The following ZDHHC21 variants were observed in gnomAD, a reference collection of about 807,000 sequenced individuals.
The protein encoded by ZDHHC21 is zDHHC palmitoyltransferase 21.
ZDHHC21 carries 15 observed loss-of-function variants against 34.6 expected under a neutral mutation model. The ratio of observed to expected loss-of-function variants is 0.43; its 90% confidence interval spans 0.29 to 0.67. The LOEUF (loss-of-function observed/expected upper bound fraction) is 0.67. Among genes scored for constraint, ZDHHC21 ranks in the 30% least tolerant of loss-of-function variants. The pLI is 0.14. For synonymous variants in ZDHHC21, 142 were observed against 101.8 expected, an observed-to-expected ratio of 1.40 and a Z score of -2.38; for missense variants, 344 against 327.7, an observed-to-expected ratio of 1.05 and a Z score of -0.38.
At chr9:14,640,779 T>A (rs990204236) in intron 7 of ZDHHC21, among the ~76,000 whole-genome samples, 5 of 152,134 alleles carry the variant, frequency 3.3e-5, no homozygotes, top group African/African-American at 9.7e-5. Context: ...GAGGGAGGAA[T>A]TGAAATGCTG....
At chr9:14,610,699 A>C (rs1433918101), downstream of ZDHHC21, among the ~76,000 whole-genome samples, 1 of 151,932 alleles carries the variant, frequency 6.6e-6, no homozygotes, top group Non-Finnish European at 1.5e-5. Flanking sequence ...TGTAAACTTA[A>C]AGTTTCTGCA....
intron 5 of ZDHHC21, among the ~76,000 whole-genome samples, chr9:14,664,961 G>C (rs1295103123): frequency 6.7e-6 from 1 of 149,312 alleles, no homozygotes; most frequent in African/African-American, 2.5e-5. Flanking sequence ...CCAAAGGAAC[G>C]CAGTTCCTCA....
intron 7 of ZDHHC21, among the ~76,000 whole-genome samples, chr9:14,657,845 C>A (rs893279911): frequency 1.3e-5 from 2 of 152,106 alleles, no homozygotes; most frequent in African/African-American, 4.8e-5. Context: ...TATTTTAATG[C>A]TTTTCTTATT....
At chr9:14,647,064 T>C (rs1587095803) in intron 7 of ZDHHC21, among the ~76,000 whole-genome samples, 2 of 152,106 alleles carry the variant, frequency 1.3e-5, no homozygotes, top group East Asian at 3.9e-4. Context: ...AAGGACTGTT[T>C]CACATGTATA....
chr9:14,690,829 G>C (rs564946699), intron 1 of ZDHHC21, among the ~76,000 whole-genome samples: 1 of 152,094 alleles, frequency 6.6e-6, no homozygotes, highest in Admixed American at 6.5e-5. Context: ...AATAAAAACT[G>C]TTTTACAATT....
chr9:14,637,301 A>G (rs534830774), intron 8 of ZDHHC21, among the ~76,000 whole-genome samples: 1 of 152,212 alleles, frequency 6.6e-6, no homozygotes, highest in South Asian at 2.1e-4. Context: ...AACCTAGAGT[A>G]AATGATAAAT....
At chr9:14,604,798 A>G in the ZDHHC21 span, among the ~76,000 whole-genome samples, 3 of 152,196 alleles carry the variant, frequency 2.0e-5, no homozygotes, top group Non-Finnish European at 4.4e-5. Flanking sequence ...CTATAAGCAT[A>G]ATGTTATACA....
At position 14,611,518 on chromosome 9, in the gene ZDHHC21, T is replaced by G. The variant is rs1823294792; in HGVS notation, c.*7448A>C. The G allele has an allele frequency of 1.3e-5, 2 of 152,074 alleles. No individual in the cohort carries two copies. Among genetic ancestry groups the G allele is most frequent in the South Asian group, 4.1e-4 (2 of 4,828 alleles). The allele number at this position is 152,074 out of a possible 1,614,324, so 9.4% of individuals were successfully genotyped here. A position where few individuals can be genotyped will look rare whatever the true frequency, so the allele number is the denominator to read the frequency against. On this transcript the variant is annotated 3_prime_UTR_variant, in exon 10 of 10. Transcript: ENST00000380916. ...ACAGCACTCAGATCTATACATATTA[T>G]GTACTGAATAATAAAATGCCTGACA...
At chr9:14,663,486 A>G (rs1044042323) in intron 5 of ZDHHC21, among the ~76,000 whole-genome samples, 8 of 145,192 alleles carry the variant, frequency 5.5e-5, no homozygotes, top group Admixed American at 2.8e-4. Context: ...TTTTTTTCAG[A>G]TTACAGATTT....
chr9:14,600,339 C>T, the ZDHHC21 span, among the ~76,000 whole-genome samples: 1 of 152,068 alleles, frequency 6.6e-6, no homozygotes, highest in Non-Finnish European at 1.5e-5. Context: ...CGCAAAAGTC[C>T]CAAGTATTCC....
At chr9:14,653,259 G>GA (rs1408549841) in intron 7 of ZDHHC21, among the ~76,000 whole-genome samples, 1 of 151,756 alleles carries the variant, frequency 6.6e-6, no homozygotes, top group East Asian at 1.9e-4. Context: ...AAAAATGAAA[G>GA]AAACACAGGA....
chr9:14,675,733 G>A (rs1460075635), intron 3 of ZDHHC21, among the ~76,000 whole-genome samples: 1 of 152,058 alleles, frequency 6.6e-6, no homozygotes, highest in East Asian at 1.9e-4. Flanking sequence ...ATATAATATG[G>A]TAAGTTCCAG....
chr9:14,590,505 G>C, the ZDHHC21 span, among the ~76,000 whole-genome samples: 2 of 151,618 alleles, frequency 1.3e-5, no homozygotes, highest in Non-Finnish European at 2.9e-5. Flanking sequence ...TTTCTAAAAT[G>C]GAGAAAAATG....
At position 14,662,284 on chromosome 9, in the gene ZDHHC21, C is replaced by G. The variant is rs370638064; in HGVS notation, c.296G>C (p.Arg99Thr). ...WELCNKCNLM[R>T]PKRSHHCSRC... ...GCTACAGTGATGGGAACGCTTTGGT[C>G]TCATCAAATTACACTTGTTACATAA... Residue 99 changes from arginine (R) to threonine (T), a missense_variant, in exon 6 of 10, where the codon AGA becomes ACA. By Grantham distance (71) the Arg-to-Thr change is moderately conservative. Transcript: ENST00000380916. The G allele has an allele frequency of 1.2e-6, 2 of 1,612,636 alleles. No individual in the cohort carries two copies. The highest frequency in any genetic ancestry group is 8.5e-7 in the Non-Finnish European group (1 of 1,179,476).
chr9:14,679,847 C>G (rs911700249), intron 3 of ZDHHC21, among the ~76,000 whole-genome samples, 186 bp downstream of exon 3: 4 of 151,974 alleles, frequency 2.6e-5, no homozygotes, highest in African/African-American at 9.7e-5. Flanking sequence ...GATTATTTTT[C>G]TCTATAGAAA....
At chr9:14,651,119 C>T (rs1278539470) in intron 7 of ZDHHC21, among the ~76,000 whole-genome samples, 3 of 151,646 alleles carry the variant, frequency 2.0e-5, no homozygotes, top group African/African-American at 7.3e-5. Flanking sequence ...AAATAGTAAA[C>T]TTTGCCTGCA....
chr9:14,620,819 C>A (rs1360891672), intron 8 of ZDHHC21, among the ~76,000 whole-genome samples: 3 of 152,024 alleles, frequency 2.0e-5, no homozygotes, highest in Non-Finnish European at 4.4e-5. Context: ...AACATAGTTT[C>A]ATTTACACAT....
chr9:14,669,568 A>G (rs12684670), intron 5 of ZDHHC21, among the ~76,000 whole-genome samples: 7,102 of 148,920 alleles, frequency 0.048, 189 homozygotes, highest in Admixed American at 0.099. Context: ...TGTTTATTGC[A>G]GCATTATTCA....
At chr9:14,601,841 T>C in the ZDHHC21 span, among the ~76,000 whole-genome samples, 1 of 152,172 alleles carries the variant, frequency 6.6e-6, no homozygotes, top group African/African-American at 2.4e-5. Flanking sequence ...TTCATGTCCT[T>C]TGCAGGGACA....
Sources: allele counts gnomAD v4.1 joint callset (sites outside exome capture counted in the v4.1 genomes callset), GRCh38; gene constraint gnomAD v4.1.1; transcripts MANE v1.5; gene names NCBI Gene and HGNC (gene_info 2026-07-23, HGNC 2026-07-21).